The following MAP3K5 variants were observed in gnomAD, a reference collection of about 807,000 sequenced individuals.
The protein encoded by MAP3K5 is mitogen-activated protein kinase kinase kinase 5.
In MAP3K5, 56 loss-of-function variants were observed where a neutral mutation model predicts 158.7. The observed-to-expected ratio is 0.35, with a 90% CI of 0.28 to 0.44. The LOEUF (loss-of-function observed/expected upper bound fraction) is 0.44. Ranked by LOEUF, MAP3K5 falls within the 20% of genes least tolerant of loss-of-function variation. The pLI is 1.00. For missense variants in MAP3K5, 1,294 were observed against 1,674.8 expected (o/e 0.77, Z 3.97); for synonymous variants, 579 against 601.7 (o/e 0.96, Z 0.55).
intron 17 of MAP3K5, among the ~76,000 whole-genome samples, chr6:136,612,741 T>C (rs1314768332): frequency 1.3e-5 from 2 of 152,176 alleles, no homozygotes; most frequent in African/African-American, 4.8e-5. Context: ...ATTGATTCAA[T>C]AAGTATTTAC....
chr6:136,748,494 C>T (rs2114911058), intron 1 of MAP3K5, among the ~76,000 whole-genome samples: 1 of 151,940 alleles, frequency 6.6e-6, no homozygotes, highest in African/African-American at 2.4e-5. Flanking sequence ...TGTATTTGTT[C>T]AGGAAAAAAA....
intron 1 of MAP3K5, among the ~76,000 whole-genome samples, chr6:136,776,717 C>T (rs953073242): frequency 1.3e-5 from 2 of 152,176 alleles, no homozygotes; most frequent in African/African-American, 4.8e-5. Context: ...CCCTCTGTTG[C>T]CCTTTATTTG....
intron 1 of MAP3K5, among the ~76,000 whole-genome samples, chr6:136,788,054 T>C (rs1400278145): frequency 6.6e-6 from 1 of 152,232 alleles, no homozygotes; most frequent in Non-Finnish European, 1.5e-5. Flanking sequence ...GTCATGATCA[T>C]TTGTTTAGGT....
intron 15 of MAP3K5, among the ~76,000 whole-genome samples, chr6:136,616,925 C>T (rs1043954644): frequency 6.6e-6 from 1 of 151,818 alleles, no homozygotes; most frequent in African/African-American, 2.4e-5. Context: ...ACCATGTTGT[C>T]CAGGCTAGTC....
intron 3 of MAP3K5, among the ~76,000 whole-genome samples, chr6:136,699,087 T>C (rs942318909): frequency 1.3e-5 from 2 of 152,060 alleles, no homozygotes; most frequent in African/African-American, 4.8e-5. Context: ...GCTTCCTACA[T>C]GTAAGGTGAT....
At chr6:136,585,477 A>C (rs58046348) in intron 23 of MAP3K5, among the ~76,000 whole-genome samples, 21,156 of 112,374 alleles carry the variant, frequency 0.19, 2,167 homozygotes, top group East Asian at 0.41. Context: ...TCTTTTCTTT[A>C]TTTATTTATT....
chr6:136,647,432 C>T (rs2114367889), intron 11 of MAP3K5, among the ~76,000 whole-genome samples: 1 of 152,324 alleles, frequency 6.6e-6, no homozygotes, highest in East Asian at 1.9e-4. Context: ...TCAACCTTCA[C>T]ACCTATGCAC....
chr6:136,764,493 A>G (rs1317792449), intron 1 of MAP3K5, among the ~76,000 whole-genome samples: 1 of 152,196 alleles, frequency 6.6e-6, no homozygotes, highest in African/African-American at 2.4e-5. Context: ...AGTCATGGGA[A>G]TGAACCTTAT....
chr6:136,679,050 A>T (rs1167671108), intron 7 of MAP3K5, among the ~76,000 whole-genome samples: 1 of 152,190 alleles, frequency 6.6e-6, no homozygotes, highest in East Asian at 1.9e-4. Context: ...AATTTGCACT[A>T]TTTAATTCAT....
chr6:136,755,236 C>T (rs146303533), intron 1 of MAP3K5, among the ~76,000 whole-genome samples: 3 of 152,216 alleles, frequency 2.0e-5, no homozygotes, highest in East Asian at 1.9e-4. Context: ...CCTCTCCAGC[C>T]GCATCCAGCT....
intron 24 of MAP3K5, among the ~76,000 whole-genome samples, chr6:136,582,743 A>G (rs1774946420): frequency 6.6e-6 from 1 of 152,224 alleles, no homozygotes; most frequent in Non-Finnish European, 1.5e-5. Flanking sequence ...TTAATTTTGG[A>G]ATTTAAATAA....
At chr6:136,747,509 G>C (rs963994322) in intron 1 of MAP3K5, among the ~76,000 whole-genome samples, 3 of 152,190 alleles carry the variant, frequency 2.0e-5, no homozygotes, top group African/African-American at 7.2e-5. Flanking sequence ...CACCACAATA[G>C]TATATGCTGG....
chr6:136,623,243 G>C (rs912046518), intron 14 of MAP3K5, among the ~76,000 whole-genome samples: 5 of 152,164 alleles, frequency 3.3e-5, no homozygotes, highest in Admixed American at 3.3e-4. Context: ...AAAGCCATGT[G>C]GATTCTTTTA....
chr6:136,731,205 C>T (rs1197097017), intron 1 of MAP3K5, among the ~76,000 whole-genome samples: 1 of 152,178 alleles, frequency 6.6e-6, no homozygotes, highest in African/African-American at 2.4e-5. Flanking sequence ...GTGCTGGTTA[C>T]TCTGGCATGT....
rs569418371 is a variant in MAP3K5 at position 136,727,210 on chromosome 6, G to A, written c.449-6621C>T. On this transcript the variant is annotated intron_variant, in intron 1 of 29. Coordinates refer to ENST00000359015, the MANE Select transcript of MAP3K5 (RefSeq NM_005923.4). ...ATTATAATAAATTAAACAAACACTT[G>A]ATACTCAAGAATTCCTGAGCCCCAT... Among the ~76,000 whole-genome samples the A allele has an allele frequency of 7.9e-5, 12 of 152,198 alleles. No homozygotes were observed. In the South Asian group the frequency reaches 2.5e-3, roughly 32 times the overall value.
intron 18 of MAP3K5, among the ~76,000 whole-genome samples, chr6:136,610,806 G>C (rs1776302984): frequency 6.6e-6 from 1 of 151,826 alleles, no homozygotes; most frequent in African/African-American, 2.4e-5. Flanking sequence ...TTTTCAGTGA[G>C]CATCAAAAGA....
chr6:136,656,526 A>T, intron 9 of MAP3K5, 66 bp from the exon 10 acceptor site: 2 of 956,222 alleles, frequency 2.1e-6, no homozygotes, highest in Non-Finnish European at 3.1e-6. Context: ...CATGTATCCC[A>T]GTCTAATTCT....
At chr6:136,709,524 T>G (rs983594125) in intron 2 of MAP3K5, among the ~76,000 whole-genome samples, 3 of 152,076 alleles carry the variant, frequency 2.0e-5, no homozygotes, top group Non-Finnish European at 4.4e-5. Context: ...TGACTCTGTT[T>G]TTGATGCACC....
rs531199330 is a variant in MAP3K5, at chr6:136,610,021, T to C, written c.2521+1261A>G. ...CAATGTCACTTCTCTCCCAGGTAAT[T>C]TCCTCATCTACAAAATGGAGGTACT... On this transcript the variant is annotated intron_variant, in intron 18 of 29. Coordinates refer to ENST00000359015, the MANE Select transcript of MAP3K5 (RefSeq NM_005923.4). 3.3e-5 allele frequency among the ~76,000 whole-genome samples: 5 copies of C among 152,176 alleles called. No homozygotes were observed. In the East Asian group the frequency reaches 9.7e-4, roughly 29 times the overall value.
Sources: allele counts gnomAD v4.1 joint callset (sites outside exome capture counted in the v4.1 genomes callset), GRCh38; gene constraint gnomAD v4.1.1; transcripts MANE v1.5; gene names NCBI Gene and HGNC (gene_info 2026-07-23, HGNC 2026-07-21).